CCPG1: variants seen among roughly 807,000 people sequenced by gnomAD.
CCPG1 encodes the protein cell cycle progression 1, also known as cell cycle progression protein 1.
In CCPG1, 46 loss-of-function variants were observed where a neutral mutation model predicts 81.3. That is an observed-to-expected ratio of 0.57 (90% confidence interval 0.45 to 0.72). CCPG1 has a LOEUF of 0.72. CCPG1 is among the 30% of genes least tolerant of loss of function. The pLI is 0.00. For synonymous variants in CCPG1, 330 were observed against 305.2 expected, an observed-to-expected ratio of 1.08 and a Z score of -0.85; for missense variants, 902 against 937.6, an observed-to-expected ratio of 0.96 and a Z score of 0.50.
At chr15:55,367,684 G>C (rs1003116103) in intron 6 of CCPG1, among the ~76,000 whole-genome samples, 1 of 151,312 alleles carries the variant, frequency 6.6e-6, no homozygotes, top group Non-Finnish European at 1.5e-5. Flanking sequence ...GAACAAATTT[G>C]GGTAAAACCA....
intron 1 of CCPG1, among the ~76,000 whole-genome samples, chr15:55,396,721 T>C (rs1242590540): frequency 1.3e-5 from 2 of 152,142 alleles, no homozygotes; most frequent in African/African-American, 4.8e-5. Context: ...AAAACGATGG[T>C]CAGGGCAAGC....
At position 55,368,024 on chromosome 15, in the gene CCPG1, A is replaced by G. The variant is rs199908527; in HGVS notation, c.707-2715T>C. ...AATCAAACTTTCCTATCTAGATTCC[A>G]AGACGTTTTACAATACACAGTTGAC... On this transcript the variant is annotated intron_variant, in intron 6 of 8. Coordinates refer to ENST00000442196, the MANE Select transcript of CCPG1 (RefSeq NM_001204450.2). Among the ~76,000 whole-genome samples the G allele has an allele frequency of 5.3e-5, 8 of 152,230 alleles. No individual in the cohort carries two copies. The East Asian group carries it at 1.5e-3, about 29-fold the overall frequency.
chr15:55,401,528 A>T (rs1202982323), intron 1 of CCPG1, among the ~76,000 whole-genome samples: 2 of 151,826 alleles, frequency 1.3e-5, no homozygotes, highest in Admixed American at 6.6e-5. Context: ...TTAGCCAGGC[A>T]TGGTGGCCCA....
At chr15:55,359,184 T>C (rs2056140698) in intron 8 of CCPG1, 2 of 984,918 alleles carry the variant, frequency 2.0e-6, no homozygotes, top group Admixed American at 5.9e-5. Context: ...AGTGAATAAA[T>C]ACATAAAAGA....
chr15:55,403,114 G>A (rs2057157010), intron 1 of CCPG1, among the ~76,000 whole-genome samples: 1 of 152,118 alleles, frequency 6.6e-6, no homozygotes. Flanking sequence ...TTATGTAAAT[G>A]CACTTAGTAC....
intron 8 of CCPG1, chr15:55,357,373 A>T: frequency 1.0e-6 from 1 of 985,380 alleles, no homozygotes; most frequent in Non-Finnish European, 1.2e-6. Flanking sequence ...TTAGATGTTC[A>T]TCAGCTCATG....
At chr15:55,369,288 C>CA (rs2056398252) in intron 6 of CCPG1, among the ~76,000 whole-genome samples, 1 of 152,050 alleles carries the variant, frequency 6.6e-6, no homozygotes, top group Non-Finnish European at 1.5e-5. Context: ...GTAATCCCAG[C>CA]ACTTTGGGAG....
At chr15:55,387,791 C>T (rs954969520) in intron 2 of CCPG1, among the ~76,000 whole-genome samples, 7 of 149,444 alleles carry the variant, frequency 4.7e-5, no homozygotes, top group Non-Finnish European at 7.4e-5. Context: ...TGATCTGCCC[C>T]GACCTCGGCC....
At chr15:55,379,994 A>G (rs528332456) in intron 3 of CCPG1, among the ~76,000 whole-genome samples, 10 of 151,272 alleles carry the variant, frequency 6.6e-5, no homozygotes, top group Admixed American at 6.6e-4. Context: ...CAGCTACTCC[A>G]GAGGCTGAGG....
intron 8 of CCPG1, chr15:55,359,011 C>G: frequency 1.0e-6 from 1 of 981,980 alleles, no homozygotes; most frequent in African/African-American, 1.7e-5. Context: ...TAGTTTGCCT[C>G]TTTGTGCCTC....
intron 1 of CCPG1, among the ~76,000 whole-genome samples, chr15:55,397,549 G>A (rs2057044817): frequency 2.0e-5 from 3 of 152,194 alleles, no homozygotes; most frequent in African/African-American, 7.2e-5. Context: ...GGATTTCAAA[G>A]GTACAGCAGC....
chr15:55,381,272 T>TAAAAATA (rs1185998353), intron 3 of CCPG1, among the ~76,000 whole-genome samples: 10 of 121,440 alleles, frequency 8.2e-5, no homozygotes, highest in African/African-American at 2.7e-4. Context: ...CCGTCTCTAC[T>TAAAAATA]AAAAATAAAA....
chr15:55,384,404 A>C (rs1425578070), intron 3 of CCPG1, among the ~76,000 whole-genome samples: 1 of 152,340 alleles, frequency 6.6e-6, no homozygotes, highest in East Asian at 1.9e-4. Flanking sequence ...TCACGCCTGT[A>C]ATCCCAGCAC....
At chr15:55,378,261 C>T (rs1287777186) in intron 4 of CCPG1, 39 bp downstream of exon 4, 1 of 1,195,002 alleles carries the variant, frequency 8.4e-7, no homozygotes, top group South Asian at 1.3e-5. Context: ...TCTAAGGATA[C>T]TATTTAACAT....
chr15:55,396,994 G>A (rs958452180), intron 1 of CCPG1, among the ~76,000 whole-genome samples: 2 of 152,072 alleles, frequency 1.3e-5, no homozygotes, highest in African/African-American at 4.8e-5. Flanking sequence ...GAGGTCAGGA[G>A]ATCGAGACCA....
chr15:55,355,981 A>T lies in CCPG1; in HGVS notation c.*239T>A, dbSNP rs2056070184. 1 of 476,236 alleles carries T rather than the reference A, an allele frequency of 2.1e-6. No individual in the cohort carries two copies. The highest frequency in any genetic ancestry group is 2.0e-5 in the African/African-American group (1 of 48,906). 29.5% of individuals were successfully genotyped at this position (476,236 alleles called of 1,614,324 possible). On this transcript the variant is annotated 3_prime_UTR_variant, in exon 9 of 9. Coordinates refer to ENST00000442196, the MANE Select transcript of CCPG1 (RefSeq NM_001204450.2). ...TGTTGCATGCCTGGCTTCCTTAATA[A>T]AACTACAGTTGAACATTTCCAGTGT...
intron 3 of CCPG1, among the ~76,000 whole-genome samples, chr15:55,378,708 A>G (rs1386814990): frequency 6.6e-6 from 1 of 151,244 alleles, no homozygotes; most frequent in Non-Finnish European, 1.5e-5. Context: ...GGTTCAAGTG[A>G]TTCTCCTGCC....
At chr15:55,377,912 A>ACAAG (rs1555408468) in intron 4 of CCPG1, among the ~76,000 whole-genome samples, 35,663 of 88,034 alleles carry the variant, frequency 0.41, 5,311 homozygotes, top group Non-Finnish European at 0.46. Flanking sequence ...TCAGATCAGT[A>ACAAG]CAGACTAAAA....
intron 1 of CCPG1, among the ~76,000 whole-genome samples, chr15:55,389,828 C>T (rs921218302): frequency 6.6e-6 from 1 of 152,200 alleles, no homozygotes; most frequent in African/African-American, 2.4e-5. Flanking sequence ...ACTGCAGAAA[C>T]TGAGAAGCAC....
Sources: gnomAD v4.1 joint callset for allele counts (sites outside exome capture counted in the v4.1 genomes callset) on GRCh38, gnomAD v4.1.1 for gene constraint, MANE v1.5 for transcripts, NCBI Gene and HGNC (gene_info 2026-07-23, HGNC 2026-07-21) for gene names.